The following EGF variants were observed in gnomAD, a reference collection of about 807,000 sequenced individuals.
The protein encoded by EGF is epidermal growth factor, also known as pro-epidermal growth factor.
A neutral mutation model predicts 143.8 loss-of-function variants in EGF; 95 were observed. The ratio of observed to expected loss-of-function variants is 0.66; its 90% CI spans 0.56 to 0.78. EGF has a LOEUF of 0.78. Ranked by LOEUF, EGF falls within the 30% of genes least tolerant of loss-of-function variation. The probability of loss-of-function intolerance (pLI) is 0.00; values close to 1 mark genes in which losing one functional copy is unlikely to be tolerated. For missense variants in EGF, 1,320 were observed against 1,470.9 expected (o/e 0.90, Z 1.68); for synonymous variants, 510 against 510.5 (o/e 1.00, Z 0.01).
chr4:109,974,176 CA>C (rs1197772879), intron 11 of EGF, among the ~76,000 whole-genome samples: 1 of 152,114 alleles, frequency 6.6e-6, no homozygotes, highest in Non-Finnish European at 1.5e-5. Context: ...GGGAATTGAG[CA>C]TCCTTGGAGA....
At chr4:109,992,443 A>G (rs1751098189) in intron 18 of EGF, 1 of 152,194 alleles carries the variant, frequency 6.6e-6, no homozygotes, top group Admixed American at 6.5e-5. Context: ...AAGTCAGGAA[A>G]CAACAGGTGC....
chr4:109,927,387 G>T (rs1029618211), intron 1 of EGF, among the ~76,000 whole-genome samples: 6 of 152,008 alleles, frequency 3.9e-5, no homozygotes, highest in South Asian at 2.1e-4. Context: ...CATGCGGGGG[G>T]ACTTTTGGGA....
intron 13 of EGF, among the ~76,000 whole-genome samples, chr4:109,979,650 C>T (rs560201729): frequency 6.6e-6 from 1 of 152,238 alleles, no homozygotes; most frequent in East Asian, 1.9e-4. Context: ...GACAGATGTA[C>T]TAAACAAGGA....
At position 110,008,198 on chromosome 4, in the gene EGF, C is replaced by A; in HGVS notation, c.3338C>A (p.Pro1113Gln). The change falls in exon 23 of 24, where the codon CCA becomes CAA. Residue 1113 changes from proline to glutamine, a missense_variant. Pro to Gln is a moderately conservative substitution (Grantham distance 76, BLOSUM62 -1). Transcript: ENST00000265171. ...CAAGACCTCAAGAATGGGGGTCAACCAGTGGCTGGTGAGGATGGCCAGGCA... is the reference window on the plus strand; with the variant it reads ...CAAGACCTCAAGAATGGGGGTCAACAAGTGGCTGGTGAGGATGGCCAGGCA... ...EHQDLKNGGQ[P>Q]VAGEDGQAAD... 2 of 1,614,026 alleles carry A rather than the reference C, an allele frequency of 1.2e-6. No homozygotes were observed. The highest frequency in any genetic ancestry group is 2.2e-5 in the South Asian group (2 of 91,076).
At chr4:109,915,715 C>G (rs899556389) in intron 1 of EGF, among the ~76,000 whole-genome samples, 2 of 152,202 alleles carry the variant, frequency 1.3e-5, no homozygotes, top group Non-Finnish European at 2.9e-5. Context: ...TTAAATTCTA[C>G]TTGCCTTATT....
intron 11 of EGF, 30 bp from the exon 12 acceptor site, chr4:109,974,673 A>C (rs760823013): frequency 1.3e-6 from 2 of 1,543,850 alleles, no homozygotes; most frequent in South Asian, 2.2e-5. Flanking sequence ...AGGTGTTATA[A>C]CAAACTCCCT....
chr4:109,999,967 AT>A, intron 21 of EGF, 121 bp downstream of exon 21: 1 of 1,454,888 alleles, frequency 6.9e-7, no homozygotes, highest in Non-Finnish European at 9.5e-7. Flanking sequence ...AAAACGTGAA[AT>A]AGGCTGGGTG....
At chr4:109,954,029 C>T (rs1278209384) in intron 5 of EGF, among the ~76,000 whole-genome samples, 1 of 152,132 alleles carries the variant, frequency 6.6e-6, no homozygotes, top group Non-Finnish European at 1.5e-5. Context: ...AAGGGCTCTT[C>T]TAAGAGTTAA....
At chr4:109,993,190 A>G in intron 18 of EGF, 57 bp from the exon 19 acceptor site, 1 of 1,609,478 alleles carries the variant, frequency 6.2e-7, no homozygotes, top group Non-Finnish European at 8.5e-7. Context: ...GTCCAACTAT[A>G]AAACCCTCTT....
rs1231665559 is a variant in EGF, at chr4:109,932,376, T to TATATATATATATATATATATATATATAA, written c.128-8569_128-8568insTATATATATATATATATATATATATAAA. On this transcript the variant is annotated intron_variant, in intron 1 of 23. Coordinates refer to ENST00000265171, the MANE Select transcript of EGF (RefSeq NM_001963.6). ...CCATTTAGTCATATATATATATATA[T>TATATATATATATATATATATATATATAA]AAATTTTTTTTTTTTTTTTTGAGAC... 2.9e-4 allele frequency among the ~76,000 whole-genome samples: 37 copies of TATATATATATATATATATATATATATAA among 126,144 alleles called. 1 individual carries two copies. The East Asian group carries it at 8.5e-3, about 29-fold the overall frequency. 82.8% of individuals were successfully genotyped at this position (126,144 alleles called of 152,430 possible). A position where few individuals can be genotyped will look rare whatever the true frequency, so the allele number is the denominator to read the frequency against.
intron 15 of EGF, among the ~76,000 whole-genome samples, chr4:109,981,658 G>A (rs979267706): frequency 6.6e-6 from 1 of 151,914 alleles, no homozygotes; most frequent in Admixed American, 6.6e-5. Context: ...TATTTATCTG[G>A]TAGGCATGGT....
chr4:109,954,850 G>GCACT (rs1294535112), intron 5 of EGF, among the ~76,000 whole-genome samples: 1 of 152,144 alleles, frequency 6.6e-6, no homozygotes, highest in Non-Finnish European at 1.5e-5. Flanking sequence ...CCTTAACAAG[G>GCACT]CACTATTTCC....
intron 17 of EGF, 142 bp from the exon 18 acceptor site, chr4:109,988,442 G>A (rs890049751): frequency 8.3e-6 from 10 of 1,200,866 alleles, no homozygotes; most frequent in Non-Finnish European, 1.2e-5. Flanking sequence ...TGTCCAAGAT[G>A]CAGGGCGTGC....
At chr4:109,938,270 C>T (rs1454999493) in intron 1 of EGF, among the ~76,000 whole-genome samples, 1 of 152,162 alleles carries the variant, frequency 6.6e-6, no homozygotes, top group African/African-American at 2.4e-5. Context: ...ATTTGATCTT[C>T]AATTGCTGAC....
intron 1 of EGF, among the ~76,000 whole-genome samples, chr4:109,918,345 C>T (rs59744250): frequency 0.1 from 15,803 of 150,606 alleles, 1,130 homozygotes; most frequent in East Asian, 0.19. Flanking sequence ...AACAGAAATG[C>T]GTGTGGTTGT....
intron 10 of EGF, among the ~76,000 whole-genome samples, chr4:109,966,980 C>A (rs1187894221): frequency 6.6e-6 from 1 of 152,142 alleles, no homozygotes; most frequent in Non-Finnish European, 1.5e-5. Context: ...TATTTTCTCC[C>A]ATACTGTAGG....
At chr4:109,979,322 T>C (rs1351286596) in intron 13 of EGF, among the ~76,000 whole-genome samples, 1 of 151,426 alleles carries the variant, frequency 6.6e-6, no homozygotes, top group African/African-American at 2.4e-5. Context: ...GCTAGTGGAA[T>C]GAAGAGAGGG....
chr4:109,918,793 C>T (rs1344660163), intron 1 of EGF, among the ~76,000 whole-genome samples: 1 of 152,218 alleles, frequency 6.6e-6, no homozygotes, highest in South Asian at 2.1e-4. Context: ...GGGCTGCTTA[C>T]ATCCCAGCGC....
intron 5 of EGF, among the ~76,000 whole-genome samples, chr4:109,948,820 G>A (rs776474733): frequency 2.2e-4 from 34 of 152,076 alleles, no homozygotes; most frequent in Non-Finnish European, 4.0e-4. Context: ...TTCTCTAGAG[G>A]CTGGTTAGTT....
Sources: gnomAD v4.1 joint callset for allele counts (sites outside exome capture counted in the v4.1 genomes callset) on GRCh38, gnomAD v4.1.1 for gene constraint, MANE v1.5 for transcripts, NCBI Gene and HGNC (gene_info 2026-07-23, HGNC 2026-07-21) for gene names.